The following CADM2 variants were observed in gnomAD, a reference collection of about 807,000 sequenced individuals.
CADM2 encodes the protein cell adhesion molecule 2, also known as immunoglobulin superfamily member 4D.
CADM2 carries 12 observed loss-of-function variants against 49.8 expected under a neutral mutation model. The observed-to-expected ratio is 0.24, with a 90% CI of 0.15 to 0.39. The LOEUF is 0.39. Among genes scored for constraint, CADM2 ranks in the 10% least tolerant of loss-of-function variants. The pLI, the probability that CADM2 is intolerant of heterozygous loss-of-function variation, is 1.00. For missense variants in CADM2, 378 were observed against 492.3 expected (o/e 0.77, Z 2.20); for synonymous variants, 214 against 175.4 (o/e 1.22, Z -1.74).
At chr3:85,096,328 C>A (rs1440049611) in intron 1 of CADM2, among the ~76,000 whole-genome samples, 1 of 151,716 alleles carries the variant, frequency 6.6e-6, no homozygotes, top group Admixed American at 6.6e-5. Flanking sequence ...TGAAGAATTC[C>A]CAGGCTGAGG....
At chr3:85,394,222 C>T (rs2107409035) in intron 1 of CADM2, among the ~76,000 whole-genome samples, 1 of 152,028 alleles carries the variant, frequency 6.6e-6, no homozygotes, top group South Asian at 2.1e-4. Context: ...ATATATCTTC[C>T]ATAAACTATA....
At chr3:85,515,632 T>TATATATATATATATATA (rs1491095321) in intron 1 of CADM2, among the ~76,000 whole-genome samples, 6 of 94,268 alleles carry the variant, frequency 6.4e-5, no homozygotes, top group African/African-American at 2.9e-4. Flanking sequence ...TATATATATA[T>TATATATATATATATATA]TTTTTTTTTT....
chr3:85,000,288 T>C (rs75541974), intron 1 of CADM2, among the ~76,000 whole-genome samples: 3,213 of 151,948 alleles, frequency 0.021, 126 homozygotes, highest in African/African-American at 0.073. Context: ...TAATTATTTT[T>C]TTTTTGCCTT....
At chr3:85,423,405 T>C (rs1033654400) in intron 1 of CADM2, among the ~76,000 whole-genome samples, 5 of 152,096 alleles carry the variant, frequency 3.3e-5, no homozygotes, top group African/African-American at 1.2e-4. Context: ...CTCACCAGAG[T>C]CCTTGTCCTT....
intron 8 of CADM2, among the ~76,000 whole-genome samples, chr3:86,044,383 A>G: frequency 6.6e-6 from 1 of 152,218 alleles, no homozygotes. Context: ...AAACAACCCC[A>G]TCAACAAGTG....
intron 1 of CADM2, among the ~76,000 whole-genome samples, chr3:85,662,933 T>C (rs934337055): frequency 1.3e-5 from 2 of 152,178 alleles, no homozygotes; most frequent in South Asian, 2.1e-4. Context: ...AATAGTTGCC[T>C]AGTTCCTTTT....
At chr3:85,387,775 C>T (rs923692926) in intron 1 of CADM2, among the ~76,000 whole-genome samples, 2 of 151,758 alleles carry the variant, frequency 1.3e-5, no homozygotes, top group East Asian at 1.9e-4. Context: ...TTTTTCAATA[C>T]GATTACATTT....
At chr3:85,200,270 T>G (rs550046049) in intron 1 of CADM2, among the ~76,000 whole-genome samples, 2 of 152,074 alleles carry the variant, frequency 1.3e-5, no homozygotes, top group Non-Finnish European at 2.9e-5. Flanking sequence ...TTAATTTATA[T>G]ACAAAACTGT....
chr3:85,811,851 C>T (rs2072897167), intron 3 of CADM2, among the ~76,000 whole-genome samples: 1 of 142,200 alleles, frequency 7.0e-6, no homozygotes, highest in Non-Finnish European at 1.5e-5. Flanking sequence ...TGGAAAATGC[C>T]TTGATGTTTT....
intron 1 of CADM2, among the ~76,000 whole-genome samples, chr3:85,473,491 T>A (rs2038853433): frequency 6.6e-6 from 1 of 152,032 alleles, no homozygotes; most frequent in Admixed American, 6.6e-5. Context: ...TAAGAAAGCG[T>A]TACAAAGAGA....
chr3:85,079,671 A>C (rs1214408021), intron 1 of CADM2, among the ~76,000 whole-genome samples: 1 of 151,848 alleles, frequency 6.6e-6, no homozygotes, highest in Non-Finnish European at 1.5e-5. Flanking sequence ...CAATTTCTGT[A>C]GTTTTCTCTC....
intron 3 of CADM2, among the ~76,000 whole-genome samples, chr3:85,870,879 C>T (rs183244647): frequency 6.6e-6 from 1 of 151,866 alleles, no homozygotes; most frequent in Non-Finnish European, 1.5e-5. Context: ...ATACCATATA[C>T]AAAAAAATCA....
rs938729709 is a variant in CADM2, at chr3:85,977,011, T to C, written c.970+15364T>C. Among the ~76,000 whole-genome samples, 3 of 151,494 alleles carry C rather than the reference T, an allele frequency of 2.0e-5. No homozygotes were observed. In the Admixed American group the frequency reaches 2.0e-4, roughly 10 times the overall value. On this transcript the variant is annotated intron_variant, in intron 8 of 9. Transcript: ENST00000383699. Reference sequence around the variant, plus strand: ...TATGGTTTGCTTTATACAAGAATGCTCCTAGTACTTGAAAATATATAGACT... The same window carrying C: ...TATGGTTTGCTTTATACAAGAATGCCCCTAGTACTTGAAAATATATAGACT...
chr3:85,091,347 A>T (rs904061670), intron 1 of CADM2, among the ~76,000 whole-genome samples: 1 of 152,188 alleles, frequency 6.6e-6, no homozygotes, highest in Non-Finnish European at 1.5e-5. Flanking sequence ...TTTATAGCAA[A>T]CATAGCTGTA....
intron 3 of CADM2, among the ~76,000 whole-genome samples, chr3:85,880,106 T>G (rs1201370443): frequency 6.6e-6 from 1 of 152,220 alleles, no homozygotes; most frequent in East Asian, 1.9e-4. Context: ...TCCGTCTTTA[T>G]TTATAGAGTT....
At chr3:85,266,096 C>T (rs1344707142) in intron 1 of CADM2, among the ~76,000 whole-genome samples, 7 of 151,822 alleles carry the variant, frequency 4.6e-5, no homozygotes, top group Non-Finnish European at 7.4e-5. Context: ...ATAAATGTCT[C>T]GATTCTTCAT....
Position 85,490,343 on chromosome 3 carries a change from T to C in CADM2, c.62-236179T>C, listed in dbSNP as rs1183213133. ...TGTCGGCTGCACAATGAATTATATA[T>C]AGCACAGTGTTAAGAGTCATTTTAG... On this transcript the variant is annotated intron_variant, in intron 1 of 9. Coordinates refer to ENST00000383699, the MANE Select transcript of CADM2 (RefSeq NM_001167675.2). 2.0e-5 allele frequency among the ~76,000 whole-genome samples: 3 copies of C among 152,192 alleles called. No individual in the cohort carries two copies. The South Asian group carries it at 6.2e-4, about 32-fold the overall frequency.
chr3:85,027,577 T>G (rs931849754), intron 1 of CADM2, among the ~76,000 whole-genome samples: 6 of 152,128 alleles, frequency 3.9e-5, no homozygotes, highest in African/African-American at 1.4e-4. Context: ...GTATTATTTC[T>G]AAATTTAAAA....
chr3:85,210,781 A>G (rs542923585), intron 1 of CADM2, among the ~76,000 whole-genome samples: 2 of 152,210 alleles, frequency 1.3e-5, no homozygotes, highest in African/African-American at 4.8e-5. Context: ...AGCTGAAGTG[A>G]TCCACCCACC....
Sources: gnomAD v4.1 joint callset for allele counts (sites outside exome capture counted in the v4.1 genomes callset) on GRCh38, gnomAD v4.1.1 for gene constraint, MANE v1.5 for transcripts, NCBI Gene and HGNC (gene_info 2026-07-23, HGNC 2026-07-21) for gene names.